Variants in NDUFAF6 observed in about 807,000 individuals in gnomAD.
NDUFAF6 encodes NADH:ubiquinone oxidoreductase complex assembly factor 6, also known as NADH dehydrogenase (ubiquinone) complex I, assembly factor 6.
A neutral mutation model predicts 40.8 loss-of-function variants in NDUFAF6; 45 were observed. The observed-to-expected ratio is 1.10, with a 90% confidence interval of 0.87 to 1.42. The LOEUF (loss-of-function observed/expected upper bound fraction) is 1.42. Among genes scored for constraint, NDUFAF6 ranks in the 40% most tolerant of loss-of-function variants. The pLI is 0.00. For synonymous variants in NDUFAF6, 185 were observed against 155.9 expected (o/e 1.19, Z -1.39); for missense variants, 435 against 418.5 (o/e 1.04, Z -0.34).
intron 1 of NDUFAF6, chr8:94,939,883 T>A: frequency 6.2e-7 from 1 of 1,613,570 alleles, no homozygotes; most frequent in Non-Finnish European, 8.5e-7. Context: ...GGCTATGTAA[T>A]TCATCAGTCC....
intron 1 of NDUFAF6, among the ~76,000 whole-genome samples, chr8:94,977,969 G>A (rs536542738): frequency 7.3e-4 from 111 of 152,274 alleles, no homozygotes; most frequent in African/African-American, 2.6e-3. Context: ...CTGAATGACA[G>A]GGGTGCTAGG....
chr8:95,018,691 T>C (rs59319685), intron 2 of NDUFAF6, among the ~76,000 whole-genome samples: 1,873 of 152,286 alleles, frequency 0.012, 47 homozygotes, highest in African/African-American at 0.042. Context: ...CTGATTGAAC[T>C]GATCTTGGTA....
At chr8:94,939,707 T>C (rs201622879) in intron 1 of NDUFAF6, 1 of 1,119,976 alleles carries the variant, frequency 8.9e-7, no homozygotes, top group South Asian at 1.4e-5. Flanking sequence ...CAACAAGTTA[T>C]CTTACGGACC....
intron 3 of NDUFAF6, among the ~76,000 whole-genome samples, chr8:95,037,653 A>G (rs909101622): frequency 2.0e-5 from 3 of 152,140 alleles, no homozygotes; most frequent in East Asian, 1.9e-4. Flanking sequence ...TTCTCCATAC[A>G]TACACCTTTG....
intron 1 of NDUFAF6, among the ~76,000 whole-genome samples, chr8:94,974,213 C>T (rs1217013558): frequency 7.0e-6 from 1 of 143,836 alleles, no homozygotes; most frequent in Non-Finnish European, 1.5e-5. Context: ...TACTTAGAGC[C>T]AAATCTGTTT....
downstream of NDUFAF6, among the ~76,000 whole-genome samples, chr8:95,105,237 A>T (rs943277035): frequency 6.6e-6 from 1 of 152,214 alleles, no homozygotes; most frequent in Non-Finnish European, 1.5e-5. Context: ...CTTTGTTTCC[A>T]TCAACAAAGA....
chr8:94,991,783 T>C (rs1470111171), intron 2 of NDUFAF6, among the ~76,000 whole-genome samples: 1 of 147,950 alleles, frequency 6.8e-6, no homozygotes, highest in Non-Finnish European at 1.5e-5. Flanking sequence ...CAAGGAGAGC[T>C]TCCTCATTCT....
downstream of NDUFAF6, among the ~76,000 whole-genome samples, chr8:95,076,391 A>G (rs1036971150): frequency 3.9e-5 from 6 of 152,266 alleles, no homozygotes; most frequent in Non-Finnish European, 4.4e-5. Flanking sequence ...TCCAGAATGA[A>G]CACTTTGCCC....
chr8:94,991,697 C>T (rs1826198903), intron 2 of NDUFAF6, among the ~76,000 whole-genome samples: 1 of 151,692 alleles, frequency 6.6e-6, no homozygotes, highest in Non-Finnish European at 1.5e-5. Flanking sequence ...TTCTAGCTTA[C>T]ATAAAAGTAG....
chr8:95,082,148 GAAGT>G (rs1304272034), intron 2 of NDUFAF6, among the ~76,000 whole-genome samples: 1 of 151,942 alleles, frequency 6.6e-6, no homozygotes, highest in African/African-American at 2.4e-5. Flanking sequence ...AGAAATAACT[GAAGT>G]AAGAGGAATA....
chr8:94,903,359 GA>G (rs927230843), intron 1 of NDUFAF6, among the ~76,000 whole-genome samples: 13 of 151,652 alleles, frequency 8.6e-5, no homozygotes, highest in Admixed American at 2.0e-4. Flanking sequence ...ACCCTGTCTC[GA>G]AAAAAACAAA....
At chr8:95,091,117 G>T (rs377601102) in intron 2 of NDUFAF6, among the ~76,000 whole-genome samples, 2 of 151,082 alleles carry the variant, frequency 1.3e-5, no homozygotes, top group Admixed American at 6.6e-5. Context: ...TACAGAGGGT[G>T]ACCTTTCCAT....
At chr8:94,954,614 A>C (rs891387305), upstream of NDUFAF6, among the ~76,000 whole-genome samples, 1 of 152,188 alleles carries the variant, frequency 6.6e-6, no homozygotes, top group African/African-American at 2.4e-5. Context: ...TGAGAACCAA[A>C]GGGCATAGAA....
At chr8:95,088,462 C>A (rs1233696115) in intron 2 of NDUFAF6, among the ~76,000 whole-genome samples, 3 of 152,158 alleles carry the variant, frequency 2.0e-5, no homozygotes, top group African/African-American at 7.2e-5. Flanking sequence ...TTCTACCCTG[C>A]CTTTCCTTCT....
intron 1 of NDUFAF6, among the ~76,000 whole-genome samples, chr8:94,962,137 G>C (rs1823628677): frequency 6.6e-6 from 1 of 152,226 alleles, no homozygotes; most frequent in South Asian, 2.1e-4. Flanking sequence ...AAAAGGGACA[G>C]AGTTGGCCCT....
chr8:94,911,381 C>T (rs138857307), intron 1 of NDUFAF6, among the ~76,000 whole-genome samples: 47 of 152,296 alleles, frequency 3.1e-4, no homozygotes, highest in African/African-American at 9.9e-4. Flanking sequence ...AGGAAGTATA[C>T]GAAGCTTGTA....
rs112123582 is a variant in NDUFAF6 at position 94,992,172 on chromosome 8, G to A, written c.-84+11199G>A. On this transcript the variant is annotated intron_variant, in intron 2 of 9. Coordinates refer to the NDUFAF6 transcript ENST00000396111. ...AGAAGGTAGGATAGGTGGGCCCAGA[G>A]AGAATTTCAACTGTCCTTAAAAATA... 2.0e-3 allele frequency among the ~76,000 whole-genome samples: 300 copies of A among 152,132 alleles called. 2 individuals are homozygous for A. The highest frequency in any genetic ancestry group is 6.5e-3 in the African/African-American group (270 of 41,544).
chr8:94,963,475 CAT>C (rs1823766897), intron 1 of NDUFAF6, among the ~76,000 whole-genome samples: 1 of 152,146 alleles, frequency 6.6e-6, no homozygotes, highest in Non-Finnish European at 1.5e-5. Context: ...CAGGAGATAA[CAT>C]ATGAAAAAGG....
intron 3 of NDUFAF6, among the ~76,000 whole-genome samples, chr8:95,037,377 CATTTATTAAAT>C (rs1361252906): frequency 2.0e-5 from 3 of 152,208 alleles, no homozygotes; most frequent in African/African-American, 7.2e-5. Flanking sequence ...TTTGGCTTTT[CATTTATTAAAT>C]ATTTATTTAG....
Sources: allele counts gnomAD v4.1 joint callset (sites outside exome capture counted in the v4.1 genomes callset), GRCh38; gene constraint gnomAD v4.1.1; transcripts MANE v1.5; gene names NCBI Gene and HGNC (gene_info 2026-07-23, HGNC 2026-07-21).